The following RFX2 variants were observed in gnomAD, a reference collection of about 807,000 sequenced individuals.
The protein encoded by RFX2 is DNA-binding protein RFX2.
RFX2 carries 20 observed loss-of-function variants against 87.8 expected under a neutral mutation model. The observed-to-expected ratio is 0.23, with a 90% CI of 0.16 to 0.33. The LOEUF (loss-of-function observed/expected upper bound fraction) is 0.33, where lower values mean the gene tolerates loss of function less well. Among genes scored for constraint, RFX2 ranks in the 10% least tolerant of loss-of-function variants. The pLI, the probability that RFX2 is intolerant of heterozygous loss-of-function variation, is 1.00. For synonymous variants in RFX2, 397 were observed against 431.3 expected, an observed-to-expected ratio of 0.92 and a Z score of 0.98; for missense variants, 767 against 1,012.3, an observed-to-expected ratio of 0.76 and a Z score of 3.29.
intron 1 of RFX2, among the ~76,000 whole-genome samples, chr19:6,091,448 CAAA>C (rs777847524): frequency 9.2e-6 from 1 of 108,590 alleles, no homozygotes; most frequent in African/African-American, 3.3e-5. Context: ...ACCCTATCTT[CAAA>C]AAAAAAAAAA....
chr19:6,047,563 A>T lies in RFX2; in HGVS notation c.-8-59T>A. 2.2e-6 allele frequency: 3 copies of T among 1,376,860 alleles called. No homozygotes were observed. The highest frequency in any genetic ancestry group is 1.4e-5 in the African/African-American group (1 of 69,924). 85.3% of individuals were successfully genotyped at this position (1,376,860 alleles called of 1,614,324 possible). ...GGGCTGCAAGCACTGAAATCCGAAG[A>T]GGCAACTAACAAGTTCAAGGGAGGG... On this transcript the variant is annotated intron_variant, in intron 1 of 17. Coordinates refer to ENST00000303657, the MANE Select transcript of RFX2 (RefSeq NM_000635.4). This position sits in a 1 kb window ranked among gnomAD's most constrained non-coding sequence, Gnocchi z 4.2.
At chr19:6,106,767 A>G (rs1209333475) in intron 1 of RFX2, among the ~76,000 whole-genome samples, 1 of 150,128 alleles carries the variant, frequency 6.7e-6, no homozygotes, top group Non-Finnish European at 1.5e-5. Context: ...AATGTTTGTA[A>G]ATATTTAAAT....
At chr19:6,071,789 A>G (rs1321318946) in intron 1 of RFX2, among the ~76,000 whole-genome samples, 1 of 152,250 alleles carries the variant, frequency 6.6e-6, no homozygotes, top group Non-Finnish European at 1.5e-5. Context: ...CACTAAAATC[A>G]ATTCTGTTTT....
chr19:6,062,691 A>G (rs1263962890), intron 1 of RFX2, among the ~76,000 whole-genome samples: 2 of 152,224 alleles, frequency 1.3e-5, no homozygotes. Context: ...GAACTGATAC[A>G]GTCCCCGTGG....
intron 1 of RFX2, among the ~76,000 whole-genome samples, chr19:6,109,614 C>T (rs761258343): frequency 9.9e-5 from 15 of 151,894 alleles, no homozygotes; most frequent in Non-Finnish European, 1.8e-4. Context: ...TCTTCGAGGT[C>T]CCCCCGATGC....
chr19:6,080,973 T>C (rs1385984083), intron 1 of RFX2, among the ~76,000 whole-genome samples: 1 of 150,112 alleles, frequency 6.7e-6, no homozygotes, highest in Non-Finnish European at 1.5e-5. Flanking sequence ...GAGGTGAAGG[T>C]TGCAGTGAGT....
chr19:6,044,293 A>G lies in RFX2; in HGVS notation c.91-11T>C. On this transcript the variant is annotated splice_polypyrimidine_tract_variant and intron_variant, in intron 2 of 17. Transcript: ENST00000303657. The surrounding 1 kb of genome is among the most constrained non-coding windows in gnomAD (Gnocchi z 5.3). Reference sequence around the variant, plus strand: ...CTGGACCAACACCCTCTAAAAGGGAAGGGAGAGAAGGCCAGTTAGACTTGT... The same window carrying G: ...CTGGACCAACACCCTCTAAAAGGGAGGGGAGAGAAGGCCAGTTAGACTTGT... The G allele has an allele frequency of 1.3e-6, 2 of 1,509,264 alleles. No individual in the cohort carries two copies. Among genetic ancestry groups the G allele is most frequent in the Admixed American group, 2.3e-5 (1 of 44,168 alleles). 93.5% of individuals were successfully genotyped at this position (1,509,264 alleles called of 1,614,324 possible).
chr19:6,009,384 G>A lies in RFX2; in HGVS notation c.1015+752C>T, dbSNP rs560888252. Among the ~76,000 whole-genome samples, 41 of 151,956 alleles carry A rather than the reference G, an allele frequency of 2.7e-4. No homozygotes were observed. In the Middle Eastern group the frequency reaches 0.01, roughly 38 times the overall value. On this transcript the variant is annotated intron_variant, in intron 9 of 17. Coordinates refer to ENST00000303657, the MANE Select transcript of RFX2 (RefSeq NM_000635.4). ...GCAGGCTCTGAGTTAGGGCCTTCCC[G>A]GGGCAGAGATGGCACCACCACTAAG... is the stretch of plus-strand genomic sequence containing the variant.
chr19:6,089,644 C>T (rs2087905722), intron 1 of RFX2, among the ~76,000 whole-genome samples: 1 of 152,198 alleles, frequency 6.6e-6, no homozygotes, highest in Non-Finnish European at 1.5e-5. Flanking sequence ...AGGCAGAAGC[C>T]GAACCAGAAA....
Position 6,064,427 on chromosome 19 carries a change from AC to A in RFX2, c.-8-16924del, listed in dbSNP as rs1182844011. Among the ~76,000 whole-genome samples the A allele has an allele frequency of 6.6e-6, 1 of 152,204 alleles. No individual in the cohort carries two copies. Among genetic ancestry groups the A allele is most frequent in the East Asian group, 1.9e-4 (1 of 5,190 alleles). On this transcript the variant is annotated intron_variant, in intron 1 of 17. Coordinates refer to ENST00000303657, the MANE Select transcript of RFX2 (RefSeq NM_000635.4). The surrounding 1 kb of genome is among the most constrained non-coding windows in gnomAD (Gnocchi z 4.8). ...GAAGATGGGGAATGTGCCAGTGAAAACCTGGCATGCGGAGGCCTCACCTCAC... is the reference window on the plus strand; with the variant it reads ...GAAGATGGGGAATGTGCCAGTGAAAACTGGCATGCGGAGGCCTCACCTCAC...
intron 9 of RFX2, among the ~76,000 whole-genome samples, chr19:6,008,824 C>T (rs182903317): frequency 5.9e-4 from 89 of 152,062 alleles, no homozygotes; most frequent in African/African-American, 2.0e-3. Context: ...ATTACAGGCA[C>T]GTGCCACCAC....
chr19:6,041,896 G>T, intron 4 of RFX2, 148 bp downstream of exon 4: 1 of 714,796 alleles, frequency 1.4e-6, no homozygotes. Flanking sequence ...TAGAGATATT[G>T]CCCAGTTTCC....
At chr19:6,048,629 C>T (rs1342207004) in intron 1 of RFX2, among the ~76,000 whole-genome samples, 1 of 152,106 alleles carries the variant, frequency 6.6e-6, no homozygotes, top group African/African-American at 2.4e-5. Context: ...TCGCGGTGCC[C>T]ACGACATCGT....
At position 6,040,406 on chromosome 19, in the gene RFX2, C is replaced by G. The variant is rs2087091455; in HGVS notation, c.261-165G>C. ...ATGACACTCAAATGCAGCGCAAGTT[C>G]ACAGCCACCATGTTGCAAAATCTTT... On this transcript the variant is annotated intron_variant, in intron 4 of 17. Transcript: ENST00000303657. This position sits in a 1 kb window ranked among gnomAD's most constrained non-coding sequence, Gnocchi z 6.1. Among the ~76,000 whole-genome samples the G allele has an allele frequency of 6.6e-6, 1 of 152,206 alleles. No homozygotes were observed. The highest frequency in any genetic ancestry group is 2.4e-5 in the African/African-American group (1 of 41,440).
chr19:6,083,165 C>T lies in RFX2; in HGVS notation c.-9+27228G>A, dbSNP rs765373005. On this transcript the variant is annotated intron_variant, in intron 1 of 17. Coordinates refer to ENST00000303657, the MANE Select transcript of RFX2 (RefSeq NM_000635.4). This position sits in a 1 kb window ranked among gnomAD's most constrained non-coding sequence, Gnocchi z 4.6. ...CAAGTGATCCACCCGCCTTGGCTTCCTAGAGTGCTAGAATTACAGGCATGA... is the reference window on the plus strand; with the variant it reads ...CAAGTGATCCACCCGCCTTGGCTTCTTAGAGTGCTAGAATTACAGGCATGA... 1.3e-5 allele frequency among the ~76,000 whole-genome samples: 2 copies of T among 152,170 alleles called. No individual in the cohort carries two copies. The highest frequency in any genetic ancestry group is 4.8e-5 in the African/African-American group (2 of 41,430).
At chr19:6,100,542 A>G (rs1397118709) in intron 1 of RFX2, among the ~76,000 whole-genome samples, 1 of 152,164 alleles carries the variant, frequency 6.6e-6, no homozygotes, top group Admixed American at 6.5e-5. Flanking sequence ...GAGGAGGGCT[A>G]CTTCCAGTAA....
Position 6,023,185 on chromosome 19 carries a change from C to A in RFX2, c.597+2978G>T, listed in dbSNP as rs984727142. 3 of 152,766 alleles carry A rather than the reference C, an allele frequency of 2.0e-5. No homozygotes were observed. Among genetic ancestry groups the A allele is most frequent in the Non-Finnish European group, 4.4e-5 (3 of 68,488 alleles). 9.5% of individuals were successfully genotyped at this position (152,766 alleles called of 1,614,324 possible). ...CGCACAGGCCCTGCTGCTGGGGCGA[C>A]CTGCCTGGGGCTGTCTGAGAAGGGA... is the stretch of plus-strand genomic sequence containing the variant. On this transcript the variant is annotated intron_variant, in intron 6 of 17. Coordinates refer to ENST00000303657, the MANE Select transcript of RFX2 (RefSeq NM_000635.4). This position sits in a 1 kb window ranked among gnomAD's most constrained non-coding sequence, Gnocchi z 4.9.
In RFX2 at chr19:6,011,620, T is replaced by C. The variant is rs566608046; in HGVS notation, c.899+1366A>G. On this transcript the variant is annotated intron_variant, in intron 8 of 17. Transcript: ENST00000303657. The surrounding 1 kb of genome is among the most constrained non-coding windows in gnomAD (Gnocchi z 4.8). ...CACAGCTGTCTGCCAGGGGCCCAAA[T>C]TGAACAACAGCAGTGAGCTCCAGAG... Among the ~76,000 whole-genome samples the C allele has an allele frequency of 2.0e-5, 3 of 152,140 alleles. No homozygotes were observed. The highest frequency in any genetic ancestry group is 2.9e-5 in the Non-Finnish European group (2 of 68,028).
chr19:6,068,380 G>A (rs1396832196), intron 1 of RFX2: 1 of 152,186 alleles, frequency 6.6e-6, no homozygotes, highest in African/African-American at 2.4e-5. Context: ...TTCTATTCTA[G>A]ACCATGCGGG....
Sources: allele counts gnomAD v4.1 joint callset (sites outside exome capture counted in the v4.1 genomes callset), GRCh38; gene constraint gnomAD v4.1.1; non-coding constraint Gnocchi (gnomAD v3.1); transcripts MANE v1.5; gene names NCBI Gene and HGNC (gene_info 2026-07-23, HGNC 2026-07-21).